TRMT11: variants seen among roughly 807,000 people sequenced by gnomAD.
TRMT11 encodes the protein tRNA (guanine(10)-N(2))-methyltransferase TRMT11.
A neutral mutation model predicts 62.8 loss-of-function variants in TRMT11; 53 were observed. That is an observed-to-expected ratio of 0.84 (90% CI 0.68 to 1.06). TRMT11 has a LOEUF of 1.06. Among genes scored for constraint, TRMT11 ranks in the 50% least tolerant of loss-of-function variants. The pLI, the probability that TRMT11 is intolerant of heterozygous loss-of-function variation, is 0.00. For synonymous variants in TRMT11, 188 were observed against 190.3 expected (o/e 0.99, Z 0.10); for missense variants, 556 against 553.4 (o/e 1.00, Z -0.05).
rs541444319 is a variant in TRMT11 at position 126,170,577 on chromosome 6, T to C, written c.*1824-4248T>C. ...TCTCATTTTTTTTTATCTAGTAAAG[T>C]TAACAGGGAGAACAAGGTGTGGTTC... is the stretch of plus-strand genomic sequence containing the variant. On this transcript the variant is annotated intron_variant and NMD_transcript_variant, in intron 21 of 22. Transcript: ENST00000648977. Among the ~76,000 whole-genome samples the C allele has an allele frequency of 3.7e-4, 57 of 152,054 alleles. No individual in the cohort carries two copies. In the Middle Eastern group the frequency reaches 0.014, roughly 36 times the overall value.
At chr6:126,184,927 A>G (rs1778510861) in intron 1 of TRMT11, among the ~76,000 whole-genome samples, 1 of 152,234 alleles carries the variant, frequency 6.6e-6, no homozygotes, top group African/African-American at 2.4e-5. Flanking sequence ...TGTGGGATCA[A>G]GCAGAAAGGA....
At chr6:126,100,010 C>T (rs1180759332) in intron 17 of TRMT11, among the ~76,000 whole-genome samples, 1 of 152,066 alleles carries the variant, frequency 6.6e-6, no homozygotes, top group African/African-American at 2.4e-5. Context: ...GAGTATGCTG[C>T]CAAGGGAGTA....
the TRMT11 span, among the ~76,000 whole-genome samples, chr6:126,247,020 C>T: frequency 1.3e-5 from 2 of 152,176 alleles, no homozygotes; most frequent in Non-Finnish European, 2.9e-5. Context: ...GAAGTTCTGC[C>T]AACCTGGAGA....
At chr6:126,234,959 TTGTAATGCATG>T in the TRMT11 span, among the ~76,000 whole-genome samples, 2 of 152,216 alleles carry the variant, frequency 1.3e-5, no homozygotes, top group South Asian at 4.1e-4. Context: ...TTTGGCCTAT[TTGTAATGCATG>T]AATTTGTTTA....
intron 11 of TRMT11, 66 bp from the exon 12 acceptor site, chr6:126,021,094 G>A (rs748961513): frequency 1.6e-5 from 26 of 1,592,724 alleles, no homozygotes; most frequent in East Asian, 2.3e-5. Flanking sequence ...TACACTGGAC[G>A]ATCCCCATGA....
At chr6:126,036,133 G>A (rs1289405626) in intron 12 of TRMT11, among the ~76,000 whole-genome samples, 1 of 152,076 alleles carries the variant, frequency 6.6e-6, no homozygotes, top group Non-Finnish European at 1.5e-5. Context: ...ATGGCCTAGA[G>A]GGGCCATGAG....
Position 125,993,766 on chromosome 6 carries a change from T to C in TRMT11, c.82T>C (p.Ser28Pro), listed in dbSNP as rs1023687940. 5.6e-6 allele frequency: 9 copies of C among 1,606,736 alleles called. No individual in the cohort carries two copies. The highest frequency in any genetic ancestry group is 2.7e-5 in the African/African-American group (2 of 74,736). Reference sequence around the variant, plus strand: ...AATATTTTCAATACAGGAAATAAAGTCTTTGCTTTTGCTTTTTGGAGGTCA... The same window carrying C: ...AATATTTTCAATACAGGAAATAAAGCCTTTGCTTTTGCTTTTTGGAGGTCA... The part of the protein sequence containing the change: ...HLEFRLPEIK[S>P]LLLLFGGQFA... Residue 28 changes from serine (S) to proline (P), a missense_variant, in exon 2 of 13, where the codon TCT becomes CCT. Ser to Pro is a moderately conservative substitution (Grantham distance 74). Transcript: ENST00000334379.
At chr6:126,037,569 CT>C (rs1775419918) in intron 12 of TRMT11, among the ~76,000 whole-genome samples, 1 of 151,962 alleles carries the variant, frequency 6.6e-6, no homozygotes, top group African/African-American at 2.4e-5. Flanking sequence ...ACCTATTTCT[CT>C]TTGATGAATC....
intron 1 of TRMT11, among the ~76,000 whole-genome samples, chr6:126,182,355 T>C (rs1337829460): frequency 6.6e-6 from 1 of 151,818 alleles, no homozygotes; most frequent in Non-Finnish European, 1.5e-5. Context: ...CCTTGCTGAC[T>C]TGGGTAGCAT....
chr6:126,141,701 C>T (rs183834970), intron 21 of TRMT11, among the ~76,000 whole-genome samples: 1 of 152,216 alleles, frequency 6.6e-6, no homozygotes, highest in Admixed American at 6.6e-5. Context: ...TATTCAGTAT[C>T]AGCTGAACAA....
At chr6:126,045,402 G>C (rs1479030750) in intron 16 of TRMT11, among the ~76,000 whole-genome samples, 1 of 152,148 alleles carries the variant, frequency 6.6e-6, no homozygotes, top group Admixed American at 6.6e-5. Flanking sequence ...TGGAAGAGGA[G>C]GAGGGCTTTG....
At chr6:126,143,635 T>C (rs1777943582) in intron 21 of TRMT11, among the ~76,000 whole-genome samples, 1 of 152,164 alleles carries the variant, frequency 6.6e-6, no homozygotes, top group Non-Finnish European at 1.5e-5. Flanking sequence ...GCCAAATCAC[T>C]GACCATAGCC....
chr6:126,061,752 C>A (rs917095575), intron 17 of TRMT11, among the ~76,000 whole-genome samples: 1 of 152,132 alleles, frequency 6.6e-6, no homozygotes, highest in African/African-American at 2.4e-5. Flanking sequence ...TAACTGGACA[C>A]CCTCTGATGA....
rs558356261 is a variant in TRMT11, at chr6:126,178,496, C to T, written n.143+1161C>T. Among the ~76,000 whole-genome samples, 12 of 152,334 alleles carry T rather than the reference C, an allele frequency of 7.9e-5. No individual in the cohort carries two copies. In the South Asian group the frequency reaches 1.5e-3, roughly 18 times the overall value. ...TTTCAGAGTCTACCTCCCAGGGAAACATAGCTGTGACTATATTCTTCTTCA... is the reference window on the plus strand; with the variant it reads ...TTTCAGAGTCTACCTCCCAGGGAAATATAGCTGTGACTATATTCTTCTTCA... On this transcript the variant is annotated intron_variant and non_coding_transcript_variant, in intron 1 of 3. Coordinates refer to the TRMT11 transcript ENST00000444229.
the TRMT11 span, among the ~76,000 whole-genome samples, chr6:126,220,607 G>T: frequency 1.3e-5 from 2 of 152,164 alleles, no homozygotes; most frequent in African/African-American, 4.8e-5. Context: ...AAGCTGATAT[G>T]CCAGCAGTCT....
chr6:126,069,776 T>C (rs1477721936), intron 17 of TRMT11, among the ~76,000 whole-genome samples: 1 of 152,200 alleles, frequency 6.6e-6, no homozygotes, highest in African/African-American at 2.4e-5. Context: ...ACACTTTTCC[T>C]TTTGTTTTTC....
chr6:126,045,101 T>G (rs1051610029), intron 16 of TRMT11, among the ~76,000 whole-genome samples: 7 of 151,920 alleles, frequency 4.6e-5, no homozygotes, highest in African/African-American at 1.5e-4. Context: ...GACATGAGAA[T>G]TGCTTGAACC....
chr6:126,148,406 C>G (rs1777999762), intron 21 of TRMT11, among the ~76,000 whole-genome samples: 1 of 152,142 alleles, frequency 6.6e-6, no homozygotes, highest in South Asian at 2.1e-4. Context: ...CTCAAAGCAC[C>G]TTATTTTCCA....
Position 126,200,912 on chromosome 6 carries a change from A to G in TRMT11, n.371+1012A>G, listed in dbSNP as rs374662416. Among the ~76,000 whole-genome samples, 3 of 152,190 alleles carry G rather than the reference A, an allele frequency of 2.0e-5. No homozygotes were observed. In the East Asian group the frequency reaches 5.8e-4, roughly 29 times the overall value. Reference sequence around the variant, plus strand: ...TTGGCCTGTCCTGATTTCTCTGACTAGGAGAAGTAGTTCTTTCTATGGAGG... The same window carrying G: ...TTGGCCTGTCCTGATTTCTCTGACTGGGAGAAGTAGTTCTTTCTATGGAGG... On this transcript the variant is annotated intron_variant and non_coding_transcript_variant, in intron 3 of 3. Transcript: ENST00000444229.
Sources: gnomAD v4.1 joint callset for allele counts (sites outside exome capture counted in the v4.1 genomes callset) on GRCh38, gnomAD v4.1.1 for gene constraint, MANE v1.5 for transcripts, NCBI Gene and HGNC (gene_info 2026-07-23, HGNC 2026-07-21) for gene names.